The following GRAMD1A variants were observed in gnomAD, a reference collection of about 807,000 sequenced individuals.
GRAMD1A encodes GRAM domain containing 1A.
GRAMD1A carries 50 observed loss-of-function variants against 92.0 expected under a neutral mutation model. The observed-to-expected ratio is 0.54, with a 90% CI of 0.43 to 0.69. The LOEUF (loss-of-function observed/expected upper bound fraction) is 0.69, where lower values mean the gene tolerates loss of function less well. Among genes scored for constraint, GRAMD1A ranks in the 30% least tolerant of loss-of-function variants. The pLI is 0.00. For missense variants in GRAMD1A, 819 were observed against 978.9 expected, an observed-to-expected ratio of 0.84 and a Z score of 2.18; for synonymous variants, 405 against 403.6, an observed-to-expected ratio of 1.00 and a Z score of -0.04.
In GRAMD1A at chr19:35,021,252, C is replaced by T. The variant is rs2016028956; in HGVS notation, c.1476-250C>T. On this transcript the variant is annotated intron_variant, in intron 13 of 19. Coordinates refer to ENST00000317991, the MANE Select transcript of GRAMD1A (RefSeq NM_020895.5). The surrounding 1 kb of genome is among the most constrained non-coding windows in gnomAD (Gnocchi z 5.3). ...TGTGAGTAGACAGGGCTCAGGCCGCCGGGAGCGTTGCCCAGGTAGTGGGCA... is the reference window on the plus strand; with the variant it reads ...TGTGAGTAGACAGGGCTCAGGCCGCTGGGAGCGTTGCCCAGGTAGTGGGCA... 6.6e-6 allele frequency among the ~76,000 whole-genome samples: 1 copy of T among 152,246 alleles called. No homozygotes were observed. Among genetic ancestry groups the T allele is most frequent in the South Asian group, 2.1e-4 (1 of 4,818 alleles).
chr19:34,994,753 G>C (rs2013962445), upstream of GRAMD1A: 1 of 152,298 alleles, frequency 6.6e-6, no homozygotes, highest in African/African-American at 2.4e-5. Flanking sequence ...CTAGGGGAAA[G>C]GAAGTGCCTG....
chr19:35,016,864 C>T (rs544025423), intron 11 of GRAMD1A, among the ~76,000 whole-genome samples: 5 of 143,362 alleles, frequency 3.5e-5, no homozygotes, highest in Admixed American at 7.2e-5. Context: ...AAGATCGTGC[C>T]GTTGCGCTCC....
chr19:35,022,060 T>C (rs1486843139), intron 16 of GRAMD1A, 22 bp downstream of exon 16: 1 of 1,575,780 alleles, frequency 6.3e-7, no homozygotes, highest in Admixed American at 1.7e-5. Context: ...ACAGGAGCAG[T>C]GGCCACACAG....
chr19:35,021,991 G>T lies in GRAMD1A; in HGVS notation c.1794G>T (p.Gln598His). Reference sequence around the variant, plus strand: ...GCTTCTCCGAACCATCTGTGGACCAGGGCCCCGGGGCAGGCATCCCCAGTG... The same window carrying T: ...GCTTCTCCGAACCATCTGTGGACCATGGCCCCGGGGCAGGCATCCCCAGTG... ...SSRFSEPSVD[Q>H]GPGAGIPSAL... Residue 598 changes from glutamine (Q) to histidine (H), a missense_variant, in exon 16 of 20, where the codon CAG becomes CAT. Gln to His is a conservative substitution (Grantham distance 24, BLOSUM62 0). Coordinates refer to ENST00000317991, the MANE Select transcript of GRAMD1A (RefSeq NM_020895.5). This position sits in a 1 kb window ranked among gnomAD's most constrained non-coding sequence, Gnocchi z 5.3. 1.9e-6 allele frequency: 3 copies of T among 1,614,118 alleles called. No individual in the cohort carries two copies. In the South Asian group the frequency reaches 3.3e-5, roughly 18 times the overall value.
chr19:35,008,374 T>C (rs991774393), intron 1 of GRAMD1A, among the ~76,000 whole-genome samples: 1 of 151,596 alleles, frequency 6.6e-6, no homozygotes, highest in Non-Finnish European at 1.5e-5. Flanking sequence ...GAGAGCTCGC[T>C]ATGTGCCATG....
At chr19:35,017,980 ATATTTATT>A (rs34956636) in intron 11 of GRAMD1A, among the ~76,000 whole-genome samples, 1 of 150,620 alleles carries the variant, frequency 6.6e-6, no homozygotes, top group Admixed American at 6.6e-5. Flanking sequence ...TCATTAACAC[ATATTTATT>A]TATTTATTTA....
At chr19:35,007,714 T>A (rs1391513363) in intron 1 of GRAMD1A, among the ~76,000 whole-genome samples, 1 of 151,286 alleles carries the variant, frequency 6.6e-6, no homozygotes, top group East Asian at 2.0e-4. Context: ...AAAAATTTTT[T>A]AAAAATAAAA....
rs1297384300 is a variant in GRAMD1A, at chr19:35,013,316, C to A, written c.667C>A (p.Leu223Ile). Reference protein sequence around the residue: ...VHQCYGSELGLTSEDEDYVSP... With the variant: ...VHQCYGSELGITSEDEDYVSP... Reference sequence around the variant, plus strand: ...TCAGTGCTACGGCTCAGAGCTGGGCCTCACCAGTGAGGATGAGGACTATGT... The same window carrying A: ...TCAGTGCTACGGCTCAGAGCTGGGCATCACCAGTGAGGATGAGGACTATGT... The change falls in exon 8 of 20, where the codon CTC becomes ATC. Residue 223 changes from leucine (L) to isoleucine (I), a missense_variant. Around this residue, in one of 3 missense-constraint regions of GRAMD1A, gnomAD observed 144 missense variants for 220.3 expected, o/e 0.65. Transcript: ENST00000317991. The surrounding 1 kb of genome is among the most constrained non-coding windows in gnomAD (Gnocchi z 4.9). The A allele has an allele frequency of 1.3e-6, 2 of 1,553,970 alleles. No homozygotes were observed. Among genetic ancestry groups the A allele is most frequent in the East Asian group, 4.9e-5 (2 of 41,126 alleles).
chr19:35,006,101 G>C (rs1273284974), intron 1 of GRAMD1A, among the ~76,000 whole-genome samples: 2 of 152,190 alleles, frequency 1.3e-5, no homozygotes, highest in Admixed American at 1.3e-4. Context: ...GCTGAGGCAG[G>C]TGGATTGCCT....
chr19:34,995,583 T>TTTTG (rs1430212270), upstream of GRAMD1A, among the ~76,000 whole-genome samples: 3 of 143,548 alleles, frequency 2.1e-5, no homozygotes, highest in African/African-American at 7.9e-5. Flanking sequence ...TTTTTTTTTT[T>TTTTG]TTTTTTTTTT....
At position 35,022,011 on chromosome 19, in the gene GRAMD1A, C is replaced by T; in HGVS notation, c.1814C>T (p.Pro605Leu). The change falls in exon 16 of 20, where the codon CCC becomes CTC. Residue 605 changes from proline (P) to leucine (L), a missense_variant. By Grantham distance (98) the Pro-to-Leu change is moderately conservative (BLOSUM62 -3). Coordinates refer to ENST00000317991, the MANE Select transcript of GRAMD1A (RefSeq NM_020895.5). ...GACCAGGGCCCCGGGGCAGGCATCC[C>T]CAGTGCCCTGGTTCTCATCAGCATT... ...SVDQGPGAGIPSALVLISIVI... is the reference protein window; with the variant it reads ...SVDQGPGAGILSALVLISIVI... The T allele has an allele frequency of 6.2e-7, 1 of 1,613,820 alleles. No individual in the cohort carries two copies. The highest frequency in any genetic ancestry group is 2.2e-5 in the East Asian group (1 of 44,874).
At chr19:35,011,405 C>T (rs533469780) in intron 6 of GRAMD1A, 69 bp from the exon 7 acceptor site, 37 of 1,128,086 alleles carry the variant, frequency 3.3e-5, no homozygotes, top group South Asian at 2.8e-4. Flanking sequence ...ATGAGGGTGG[C>T]GCTTCCCCAC....
chr19:35,000,260 G>T, upstream of GRAMD1A: 1 of 1,026,410 alleles, frequency 9.7e-7, no homozygotes, highest in Non-Finnish European at 1.2e-6. The surrounding 1 kb of genome is among the most constrained non-coding windows in gnomAD (Gnocchi z 4.9). Flanking sequence ...GCGCCGTGAC[G>T]CGGCGGGGCG....
rs2015160411 is a variant in GRAMD1A, at chr19:35,010,552, TCTC to T, written c.525+177_525+179del. 11 of 607,710 alleles carry T rather than the reference TCTC, an allele frequency of 1.8e-5. No homozygotes were observed. In the South Asian group the frequency reaches 1.9e-4, roughly 11 times the overall value. 37.6% of individuals were successfully genotyped at this position (607,710 alleles called of 1,614,324 possible). On this transcript the variant is annotated intron_variant, in intron 6 of 19. Transcript: ENST00000317991. ...CCCTGACCTGATCCCCGCACCAGCC[TCTC>T]CTCTCTTTCCCTGCAACCTGTTACC...
rs999611332 is a variant in GRAMD1A, at chr19:35,009,917, T to C, written c.270T>C (p.Asn90=). The C allele has an allele frequency of 1.9e-6, 3 of 1,612,688 alleles. No individual in the cohort carries two copies. Among genetic ancestry groups the C allele is most frequent in the Non-Finnish European group, 2.5e-6 (3 of 1,178,700 alleles). ...SMLSPTYKQR[N]EDFRKLFSKL... ...TGAGCCCCACTTATAAGCAGCGTAA[T>C]GAGGACTTCCGGAAACTGTTCAGCA... The change falls in exon 4 of 20, where the codon AAT becomes AAC. Residue 90 remains asparagine (N), a synonymous_variant. Coordinates refer to ENST00000317991, the MANE Select transcript of GRAMD1A (RefSeq NM_020895.5).
Position 35,021,183 on chromosome 19 carries a change from G to A in GRAMD1A, c.1476-319G>A, listed in dbSNP as rs1267632188. Among the ~76,000 whole-genome samples, 1 of 152,172 alleles carries A rather than the reference G, an allele frequency of 6.6e-6. No homozygotes were observed. The highest frequency in any genetic ancestry group is 1.5e-5 in the Non-Finnish European group (1 of 68,034). ...CATGTGGAGCTGGGGTGCAGCAGCC[G>A]AATGGAAGAGGTTCAGGGGCATGGT... On this transcript the variant is annotated intron_variant, in intron 13 of 19. Transcript: ENST00000317991. The surrounding 1 kb of genome is among the most constrained non-coding windows in gnomAD (Gnocchi z 5.3).
intron 1 of GRAMD1A, among the ~76,000 whole-genome samples, chr19:35,005,066 G>A (rs1000968165): frequency 1.3e-5 from 2 of 152,164 alleles, no homozygotes; most frequent in Admixed American, 6.5e-5. Flanking sequence ...TCGTGCACCT[G>A]CTGGAACCCA....
At chr19:35,018,518 CAAATATCCA>C (rs1356337669) in intron 11 of GRAMD1A, among the ~76,000 whole-genome samples, 6 of 152,136 alleles carry the variant, frequency 3.9e-5, no homozygotes, top group Non-Finnish European at 8.8e-5. Context: ...TGGGTGGGGA[CAAATATCCA>C]AACTATACCA....
intron 9 of GRAMD1A, 85 bp from the exon 10 acceptor site, chr19:35,014,104 C>T (rs890011271): frequency 3.8e-6 from 5 of 1,299,364 alleles, no homozygotes; most frequent in African/African-American, 1.5e-5. Flanking sequence ...TGCACAGGCT[C>T]TGGAATCCTT....
Sources: gnomAD v4.1 joint callset for allele counts (sites outside exome capture counted in the v4.1 genomes callset) on GRCh38, gnomAD v4.1.1 for gene constraint, gnomAD v4.1.1 regional missense constraint, Gnocchi (gnomAD v3.1) non-coding constraint, MANE v1.5 for transcripts, NCBI Gene and HGNC (gene_info 2026-07-23, HGNC 2026-07-21) for gene names.